The following EDNRB variants were observed in gnomAD, a reference collection of about 807,000 sequenced individuals.
The protein encoded by EDNRB is Hirschsprung disease 2.
Under a neutral mutation model 46.4 loss-of-function variants are expected in EDNRB, and 18 were observed. That is an observed-to-expected ratio of 0.39 (90% CI 0.27 to 0.57). The LOEUF is 0.57. EDNRB is among the 20% of genes least tolerant of loss of function. EDNRB has a pLI of 0.61. For synonymous variants in EDNRB, 213 were observed against 204.9 expected, an observed-to-expected ratio of 1.04 and a Z score of -0.34; for missense variants, 434 against 537.5, an observed-to-expected ratio of 0.81 and a Z score of 1.90.
chr13:77,923,523 A>T (rs1257924798), upstream of EDNRB, among the ~76,000 whole-genome samples: 1 of 152,202 alleles, frequency 6.6e-6, no homozygotes, highest in Non-Finnish European at 1.5e-5. Context: ...TCATTACTGT[A>T]TGTCAGCACA....
intron 1 of EDNRB, among the ~76,000 whole-genome samples, chr13:77,955,049 T>C (rs892735609): frequency 2.6e-5 from 4 of 152,180 alleles, no homozygotes; most frequent in Admixed American, 2.0e-4. Flanking sequence ...TCCATACTGT[T>C]TTCTACAGCA....
At chr13:77,928,539 AC>A (rs1414565511) in intron 1 of EDNRB, among the ~76,000 whole-genome samples, 1 of 152,218 alleles carries the variant, frequency 6.6e-6, no homozygotes, top group Non-Finnish European at 1.5e-5. Context: ...GAAAATGTTT[AC>A]CACTGGAGGG....
chr13:77,949,860 A>G (rs1231675123), intron 1 of EDNRB, among the ~76,000 whole-genome samples: 2 of 152,100 alleles, frequency 1.3e-5, no homozygotes, highest in Non-Finnish European at 2.9e-5. Context: ...AAACTTCCTT[A>G]ACCTTCCCAT....
intron 1 of EDNRB, among the ~76,000 whole-genome samples, chr13:77,904,241 CA>C (rs1467217833): frequency 6.6e-6 from 1 of 151,988 alleles, no homozygotes; most frequent in East Asian, 1.9e-4. Context: ...TTATCTCCTT[CA>C]GGTCTTACTC....
upstream of EDNRB, chr13:77,919,485 G>A (rs201601278): frequency 3.3e-5 from 53 of 1,612,694 alleles, no homozygotes; most frequent in Non-Finnish European, 4.2e-5. Flanking sequence ...GCCTGCTCTG[G>A]GAGAGGAGCA....
chr13:77,925,326 G>C (rs1425150277), intron 1 of EDNRB, among the ~76,000 whole-genome samples: 1 of 152,164 alleles, frequency 6.6e-6, no homozygotes, highest in East Asian at 1.9e-4. Context: ...TTTCTCCGTA[G>C]ATCCAGAAGT....
intron 1 of EDNRB, among the ~76,000 whole-genome samples, chr13:77,905,124 C>G (rs955240658): frequency 6.6e-6 from 1 of 151,960 alleles, no homozygotes; most frequent in African/African-American, 2.4e-5. Context: ...CAGGGCCAGG[C>G]AGGTAACACA....
At position 77,903,183 on chromosome 13, in the gene EDNRB, A is replaced by T. The variant is rs752147666; in HGVS notation, c.774T>A (p.His258Gln). Reference protein sequence around the residue: ...KGSYLRICLLHPVQKTAFMQF... With the variant: ...KGSYLRICLLQPVQKTAFMQF... ...GCATGAAAGCTGTCTTCTGAACGGG[A>T]TGAAGCAAGCAGATTCGCAGATAAC... Residue 258 changes from histidine (H) to glutamine (Q), a missense_variant, in exon 3 of 7, where the codon CAT becomes CAA. Physicochemically the swap from His to Gln is conservative, Grantham distance 24 (BLOSUM62 0). Coordinates refer to ENST00000646607, the MANE Select transcript of EDNRB (RefSeq NM_001122659.3). 3 of 1,612,908 alleles carry T rather than the reference A, an allele frequency of 1.9e-6. No homozygotes were observed. The highest frequency in any genetic ancestry group is 2.5e-6 in the Non-Finnish European group (3 of 1,179,256).
chr13:77,935,522 A>G (rs1880535888), intron 1 of EDNRB, among the ~76,000 whole-genome samples: 1 of 152,252 alleles, frequency 6.6e-6, no homozygotes, highest in Non-Finnish European at 1.5e-5. Flanking sequence ...GTATCTAACC[A>G]TGCCTAGGAA....
intron 1 of EDNRB, among the ~76,000 whole-genome samples, chr13:77,909,800 G>A (rs867988038): frequency 7.9e-5 from 12 of 152,046 alleles, no homozygotes; most frequent in African/African-American, 2.6e-4. Flanking sequence ...GAGCTTTTCA[G>A]TTCTCATACT....
intron 1 of EDNRB, among the ~76,000 whole-genome samples, chr13:77,972,574 G>A (rs973861258): frequency 1.1e-4 from 17 of 152,258 alleles, no homozygotes; most frequent in Admixed American, 3.9e-4. Context: ...AATCTCCCCC[G>A]ATTAAACGGT....
intron 1 of EDNRB, among the ~76,000 whole-genome samples, chr13:77,927,566 C>T (rs564221709): frequency 1.3e-5 from 2 of 152,270 alleles, no homozygotes; most frequent in Admixed American, 1.3e-4. Context: ...CATATTTTTC[C>T]AATTCCAAAT....
intron 1 of EDNRB, among the ~76,000 whole-genome samples, chr13:77,949,799 C>A (rs1881036688): frequency 6.6e-6 from 1 of 152,136 alleles, no homozygotes; most frequent in Non-Finnish European, 1.5e-5. Flanking sequence ...CACAGGATTG[C>A]CTCAACTAAA....
upstream of EDNRB, among the ~76,000 whole-genome samples, chr13:77,922,004 GA>G (rs1398397802): frequency 1.3e-5 from 2 of 151,456 alleles, no homozygotes; most frequent in African/African-American, 2.4e-5. Flanking sequence ...TTTTATTTAT[GA>G]ATTCACTAGC....
intron 1 of EDNRB, among the ~76,000 whole-genome samples, chr13:77,933,449 T>C (rs952670966): frequency 1.3e-5 from 2 of 152,074 alleles, no homozygotes; most frequent in African/African-American, 4.8e-5. Context: ...AGGGGAGCTT[T>C]TGAGCCAGGA....
intron 1 of EDNRB, among the ~76,000 whole-genome samples, chr13:77,929,101 G>A: frequency 6.6e-6 from 1 of 152,146 alleles, no homozygotes; most frequent in East Asian, 1.9e-4. Context: ...TTGTCACTCT[G>A]CTGCTTGTTA....
chr13:77,934,371 C>T (rs545850585), intron 1 of EDNRB, among the ~76,000 whole-genome samples: 3 of 152,086 alleles, frequency 2.0e-5, no homozygotes, highest in African/African-American at 4.8e-5. Flanking sequence ...GACTGAGGAC[C>T]GTAAGGGATA....
At chr13:77,919,434 G>A (rs771593003), upstream of EDNRB, 2 of 1,612,670 alleles carry the variant, frequency 1.2e-6, no homozygotes, top group Admixed American at 1.7e-5. Context: ...AGCGACGAAT[G>A]GAGACCACCT....
chr13:77,918,980 T>C, upstream of EDNRB: 1 of 1,018,686 alleles, frequency 9.8e-7, no homozygotes, highest in Non-Finnish European at 1.2e-6. The surrounding 1 kb of genome is among the most constrained non-coding windows in gnomAD (Gnocchi z 4.5). Flanking sequence ...TAGTTAAGCG[T>C]GCGTGGGAAC....
Sources: allele counts gnomAD v4.1 joint callset (sites outside exome capture counted in the v4.1 genomes callset), GRCh38; gene constraint gnomAD v4.1.1; non-coding constraint Gnocchi (gnomAD v3.1); transcripts MANE v1.5; gene names NCBI Gene and HGNC (gene_info 2026-07-23, HGNC 2026-07-21).